The following EDA variants were observed in gnomAD, a reference collection of about 807,000 sequenced individuals.
EDA encodes ectodysplasin A, also known as ectodysplasin-A.
Under a neutral mutation model 23.6 loss-of-function variants are expected in EDA, and 2 were observed. The ratio of observed to expected loss-of-function variants is 0.08; its 90% CI spans 0.03 to 0.27. The LOEUF is 0.27. Among genes scored for constraint, EDA ranks in the 10% least tolerant of loss-of-function variants. The pLI is 1.00. For synonymous variants in EDA, 131 were observed against 132.0 expected, an observed-to-expected ratio of 0.99 and a Z score of 0.05; for missense variants, 229 against 324.2, an observed-to-expected ratio of 0.71 and a Z score of 2.26.
intron 1 of EDA, chrX:69,621,035 T>A: frequency 3.6e-6 from 1 of 274,639 alleles, no homozygotes; most frequent in South Asian, 4.1e-5. Context: ...ACGTGGTCAG[T>A]CTCCCAGTTT....
At chrX:69,795,226 A>C (rs765185384) in intron 1 of EDA, among the ~76,000 whole-genome samples, 1 of 110,785 alleles carries the variant, frequency 9.0e-6, no homozygotes, top group South Asian at 3.9e-4. Flanking sequence ...GAGTCTCGCT[A>C]TGTTGCCCAG....
At chrX:69,906,576 T>C (rs2018180030) in intron 1 of EDA, among the ~76,000 whole-genome samples, 1 of 112,285 alleles carries the variant, frequency 8.9e-6, no homozygotes, top group South Asian at 3.7e-4. Context: ...AGCTTTTGAA[T>C]TGTGAGTGAC....
chrX:69,736,245 C>T (rs765883860), intron 1 of EDA, among the ~76,000 whole-genome samples: 6 of 110,596 alleles, frequency 5.4e-5, no homozygotes, highest in Non-Finnish European at 1.1e-4. Context: ...GCGGAGGTTG[C>T]AGTGAGCCGA....
chrX:70,022,464 G>A (rs2020048635), intron 2 of EDA, among the ~76,000 whole-genome samples: 1 of 109,588 alleles, frequency 9.1e-6, no homozygotes, highest in Non-Finnish European at 1.9e-5. Flanking sequence ...AGCCTTCCAA[G>A]TAGCTGGGAC....
Position 69,953,363 on chromosome X carries a change from C to T in EDA, c.397-3664C>T, listed in dbSNP as rs781054373. Among the ~76,000 whole-genome samples, 3 of 112,024 alleles carry T rather than the reference C, an allele frequency of 2.7e-5. No individual in the cohort carries two copies. In the South Asian group the frequency reaches 1.1e-3, roughly 42 times the overall value. ...ACAATGAAACAGTACTTCACATCCA[C>T]CAGAATGGTGGATTGATTAAAAATA... is the stretch of plus-strand genomic sequence containing the variant. On this transcript the variant is annotated intron_variant, in intron 1 of 7. Transcript: ENST00000374552.
At chrX:70,019,804 T>C (rs2020004684) in intron 2 of EDA, among the ~76,000 whole-genome samples, 2 of 111,472 alleles carry the variant, frequency 1.8e-5, no homozygotes, top group South Asian at 7.5e-4. Flanking sequence ...CTACGTTTAT[T>C]ACCTGGGTGA....
intron 1 of EDA, among the ~76,000 whole-genome samples, chrX:69,634,726 C>A (rs1032464091): frequency 1.8e-5 from 2 of 110,688 alleles, no homozygotes; most frequent in Non-Finnish European, 3.8e-5. Context: ...TTAGAAGGTT[C>A]TTTCCTACGT....
At chrX:69,817,019 G>A (rs1337409923) in intron 1 of EDA, among the ~76,000 whole-genome samples, 2 of 111,648 alleles carry the variant, frequency 1.8e-5, no homozygotes, top group Non-Finnish European at 3.8e-5. Context: ...GGACCTCTCA[G>A]TGGAAACCCT....
chrX:69,705,474 A>G (rs1057048157), intron 1 of EDA, among the ~76,000 whole-genome samples: 4 of 111,743 alleles, frequency 3.6e-5, no homozygotes, highest in Admixed American at 2.8e-4. Context: ...CTCTGAAGAT[A>G]TCTCTTTTCT....
At chrX:69,959,195 C>T (rs923803797) in intron 2 of EDA, among the ~76,000 whole-genome samples, 5 of 111,887 alleles carry the variant, frequency 4.5e-5, no homozygotes, top group East Asian at 5.6e-4. Context: ...TATATACTTC[C>T]CTCCTGATCT....
At chrX:69,705,489 C>T (rs2011683773) in intron 1 of EDA, among the ~76,000 whole-genome samples, 1 of 112,155 alleles carries the variant, frequency 8.9e-6, no homozygotes, top group African/African-American at 3.2e-5. Flanking sequence ...TTTTCTTTGA[C>T]CTCTAACCAT....
At chrX:69,780,851 A>G (rs2014920505) in intron 1 of EDA, among the ~76,000 whole-genome samples, 1 of 110,506 alleles carries the variant, frequency 9.0e-6, no homozygotes, top group African/African-American at 3.3e-5. Flanking sequence ...AGTCAATTAA[A>G]CCTCTTTTCT....
intron 1 of EDA, among the ~76,000 whole-genome samples, chrX:69,944,360 G>A (rs1034433345): frequency 6.2e-5 from 7 of 112,029 alleles, no homozygotes; most frequent in African/African-American, 2.3e-4. Context: ...TGGTTTTTCA[G>A]GGGCCAAAGG....
chrX:69,898,335 G>A (rs1312386459), intron 1 of EDA, among the ~76,000 whole-genome samples: 1 of 111,715 alleles, frequency 9.0e-6, no homozygotes, highest in East Asian at 2.8e-4. Flanking sequence ...CACTTTGGGA[G>A]GCCGAAGCAG....
At chrX:69,632,977 A>G (rs1356918174) in intron 1 of EDA, among the ~76,000 whole-genome samples, 1 of 111,210 alleles carries the variant, frequency 9.0e-6, no homozygotes, top group Non-Finnish European at 1.9e-5. Flanking sequence ...TTTTTGACCC[A>G]AATCTTCCTA....
intron 1 of EDA, among the ~76,000 whole-genome samples, chrX:69,859,211 T>G (rs2017324931): frequency 9.0e-6 from 1 of 111,083 alleles, no homozygotes; most frequent in Admixed American, 9.6e-5. Flanking sequence ...TTTTAAATGG[T>G]TTTCCATGTC....
At chrX:69,745,540 T>C (rs1374595534) in intron 1 of EDA, among the ~76,000 whole-genome samples, 1 of 111,575 alleles carries the variant, frequency 9.0e-6, no homozygotes, top group Admixed American at 9.5e-5. Context: ...TTTCCTGTGT[T>C]CTGGTTCATC....
intron 1 of EDA, among the ~76,000 whole-genome samples, chrX:69,931,068 T>G (rs1490230423): frequency 9.0e-6 from 1 of 111,013 alleles, no homozygotes; most frequent in African/African-American, 3.3e-5. Context: ...TAAACAACTT[T>G]GAAAAAAGAA....
At chrX:69,804,076 G>C (rs1345839413) in intron 1 of EDA, among the ~76,000 whole-genome samples, 1 of 110,502 alleles carries the variant, frequency 9.0e-6, no homozygotes, top group Non-Finnish European at 1.9e-5. Flanking sequence ...GGATACTTAG[G>C]TTCCTTCCAA....
Sources: allele counts gnomAD v4.1 joint callset (sites outside exome capture counted in the v4.1 genomes callset), GRCh38; gene constraint gnomAD v4.1.1; transcripts MANE v1.5; gene names NCBI Gene and HGNC (gene_info 2026-07-23, HGNC 2026-07-21).